Variants in PTPRQ observed in about 807,000 individuals in gnomAD.
PTPRQ encodes phosphatidylinositol phosphatase PTPRQ.
Under a neutral mutation model 246.0 loss-of-function variants are expected in PTPRQ, and 199 were observed. The ratio of observed to expected loss-of-function variants is 0.81; its 90% CI spans 0.72 to 0.91. PTPRQ has a LOEUF of 0.91. Among genes scored for constraint, PTPRQ ranks in the 40% least tolerant of loss-of-function variants. PTPRQ has a pLI of 0.00. For missense variants in PTPRQ, 2,624 were observed against 2,528.4 expected (o/e 1.04, Z -0.81); for synonymous variants, 869 against 853.2 (o/e 1.02, Z -0.32).
chr12:80,507,898 A>G (rs1895010932), intron 16 of PTPRQ, among the ~76,000 whole-genome samples: 2 of 152,044 alleles, frequency 1.3e-5, no homozygotes, highest in Admixed American at 6.6e-5. Flanking sequence ...GTAATACCTA[A>G]GATTATATGT....
intron 19 of PTPRQ, among the ~76,000 whole-genome samples, 152 bp from the exon 20 acceptor site, chr12:80,539,624 T>C (rs1345136287): frequency 1.3e-5 from 2 of 152,078 alleles, no homozygotes; most frequent in Non-Finnish European, 2.9e-5. Flanking sequence ...AGTTTAATTG[T>C]TGCAATAAAA....
At chr12:80,642,532 C>A (rs1256044655) in intron 35 of PTPRQ, among the ~76,000 whole-genome samples, 1 of 152,214 alleles carries the variant, frequency 6.6e-6, no homozygotes, top group South Asian at 2.1e-4. Flanking sequence ...TTCTGCCACA[C>A]TGGGGATCAT....
intron 34 of PTPRQ, among the ~76,000 whole-genome samples, chr12:80,634,241 A>G (rs1295782040): frequency 6.6e-6 from 1 of 152,106 alleles, no homozygotes; most frequent in Non-Finnish European, 1.5e-5. Context: ...TTGATGTCCA[A>G]CTCTTAATAA....
intron 19 of PTPRQ, among the ~76,000 whole-genome samples, chr12:80,535,879 G>A (rs906435527): frequency 7.2e-5 from 11 of 152,196 alleles, no homozygotes; most frequent in Admixed American, 2.6e-4. Context: ...AGGCCGAGGC[G>A]GGCGGATCAC....
rs923422062 is a variant in PTPRQ, at chr12:80,472,184, T to C, written c.1119T>C (p.Tyr373=). 4.5e-6 allele frequency: 7 copies of C among 1,551,656 alleles called. No homozygotes were observed. The highest frequency in any genetic ancestry group is 6.1e-6 in the Non-Finnish European group (7 of 1,146,964). The change falls in exon 8 of 45, where the codon TAT becomes TAC. Residue 373 remains tyrosine, a synonymous_variant. Transcript: ENST00000644991. ...CACCATTTACAATGTATGATGTCTA[T>C]ATTGCGGCTGAAACCAGTGCAGGGA... ...NLTPFTMYDV[Y]IAAETSAGTG...
chr12:80,541,546 C>T lies in PTPRQ; in HGVS notation c.3155-9C>T, dbSNP rs770346539. ...ATGATTTTTGTATTTTGCCCATTAC[C>T]TATCATAGTACCTGAAGGGTTTGTT... is the stretch of plus-strand genomic sequence containing the variant. On this transcript the variant is annotated splice_polypyrimidine_tract_variant and intron_variant, in intron 20 of 44. Coordinates refer to ENST00000644991, the MANE Select transcript of PTPRQ (RefSeq NM_001145026.2). The T allele has an allele frequency of 1.3e-5, 19 of 1,469,322 alleles. No individual in the cohort carries two copies. The highest frequency in any genetic ancestry group is 1.1e-4 in the African/African-American group (8 of 70,278). 91.0% of individuals were successfully genotyped at this position (1,469,322 alleles called of 1,614,324 possible). A position where few individuals can be genotyped will look rare whatever the true frequency, so the allele number is the denominator to read the frequency against.
intron 37 of PTPRQ, 25 bp from the exon 38 acceptor site, chr12:80,652,719 A>C: frequency 6.7e-7 from 1 of 1,483,276 alleles, no homozygotes; most frequent in Non-Finnish European, 8.9e-7. Context: ...ATAAATGTAA[A>C]CTTTGTAATG....
intron 30 of PTPRQ, among the ~76,000 whole-genome samples, chr12:80,618,044 A>C (rs374845370): frequency 4.2e-4 from 64 of 151,274 alleles, no homozygotes; most frequent in African/African-American, 1.3e-3. Context: ...TAATTCCCCC[A>C]AAAAACCTCT....
chr12:80,622,830 T>C (rs1306783738), intron 33 of PTPRQ, among the ~76,000 whole-genome samples: 1 of 152,010 alleles, frequency 6.6e-6, no homozygotes, highest in African/African-American at 2.4e-5. Flanking sequence ...TGTTGAAGTT[T>C]TGTGTAAAAC....
At position 80,460,736 on chromosome 12, in the gene PTPRQ, T is replaced by G. The variant is rs1267823193; in HGVS notation, c.744T>G (p.His248Gln). The G allele has an allele frequency of 2.5e-6, 1 of 400,170 alleles. No homozygotes were observed. Among genetic ancestry groups the G allele is most frequent in the East Asian group, 3.6e-5 (1 of 28,068 alleles). The allele number at this position is 400,170 out of a possible 1,614,324, so 24.8% of individuals were successfully genotyped here. Residue 248 changes from histidine (H) to glutamine (Q), a missense_variant, in exon 6 of 45, where the codon CAT (histidine) becomes CAG (glutamine). His to Gln is a conservative substitution (Grantham distance 24). Coordinates refer to ENST00000644991, the MANE Select transcript of PTPRQ (RefSeq NM_001145026.2). Reference sequence around the variant, plus strand: ...TTACACCTCCATCGCGTACCACACATTCATCAAGCACGTTGACACAGAATG... The same window carrying G: ...TTACACCTCCATCGCGTACCACACAGTCATCAAGCACGTTGACACAGAATG... ...GRVTPPSRTT[H>Q]SSSTLTQNEI...
At chr12:80,549,207 T>C (rs1219466585) in intron 24 of PTPRQ, among the ~76,000 whole-genome samples, 3 of 152,132 alleles carry the variant, frequency 2.0e-5, no homozygotes, top group Admixed American at 1.3e-4. Context: ...CTTTTGAGGA[T>C]GTGATTGGTG....
At chr12:80,645,719 G>C (rs1900048426) in intron 35 of PTPRQ, among the ~76,000 whole-genome samples, 1 of 151,882 alleles carries the variant, frequency 6.6e-6, no homozygotes, top group South Asian at 2.1e-4. Flanking sequence ...GAGTAAGATC[G>C]ATAGGGTTGT....
intron 3 of PTPRQ, among the ~76,000 whole-genome samples, chr12:80,449,385 T>C (rs1363278939): frequency 2.0e-5 from 3 of 152,212 alleles, no homozygotes; most frequent in Non-Finnish European, 2.9e-5. Flanking sequence ...TTTAATGAGA[T>C]CCCATTTGTC....
chr12:80,584,946 A>G (rs1565801651), intron 25 of PTPRQ, among the ~76,000 whole-genome samples: 1 of 151,894 alleles, frequency 6.6e-6, no homozygotes, highest in Non-Finnish European at 1.5e-5. Flanking sequence ...TAAAGATAAA[A>G]CAGAATGTGT....
intron 35 of PTPRQ, among the ~76,000 whole-genome samples, chr12:80,645,083 A>G (rs17007069): frequency 0.027 from 4,136 of 152,184 alleles, 177 homozygotes; most frequent in African/African-American, 0.094. Context: ...TGAAGAACAG[A>G]TTCTAAAAAG....
At chr12:80,444,696 T>C (rs1380281882) in intron 1 of PTPRQ, 45 bp from the exon 2 acceptor site, 1 of 1,423,076 alleles carries the variant, frequency 7.0e-7, no homozygotes, top group East Asian at 2.5e-5. Context: ...CTTGCTTGCT[T>C]TCCAGAAAGA....
intron 39 of PTPRQ, among the ~76,000 whole-genome samples, chr12:80,662,574 C>A (rs1389303021): frequency 6.6e-6 from 1 of 151,938 alleles, no homozygotes; most frequent in Non-Finnish European, 1.5e-5. Context: ...GCTGCTAAAT[C>A]ATATTTCAAT....
intron 25 of PTPRQ, among the ~76,000 whole-genome samples, chr12:80,578,313 A>G (rs2120983686): frequency 6.8e-6 from 1 of 147,390 alleles, no homozygotes; most frequent in South Asian, 2.2e-4. Flanking sequence ...GAGTGAGAAC[A>G]TGGGGTGTTT....
chr12:80,444,700 A>G, intron 1 of PTPRQ, 41 bp from the exon 2 acceptor site: 1 of 1,450,658 alleles, frequency 6.9e-7, no homozygotes, highest in East Asian at 2.5e-5. Context: ...CTTGCTTTCC[A>G]GAAAGAATTT....
Sources: allele counts gnomAD v4.1 joint callset (sites outside exome capture counted in the v4.1 genomes callset), GRCh38; gene constraint gnomAD v4.1.1; transcripts MANE v1.5; gene names NCBI Gene and HGNC (gene_info 2026-07-23, HGNC 2026-07-21).